PTPRM: variants seen among roughly 807,000 people sequenced by gnomAD.
PTPRM encodes protein tyrosine phosphatase receptor type M.
A neutral mutation model predicts 186.7 loss-of-function variants in PTPRM; 47 were observed. The ratio of observed to expected loss-of-function variants is 0.25; its 90% CI spans 0.20 to 0.32. The LOEUF (loss-of-function observed/expected upper bound fraction) is 0.32. PTPRM is among the 10% of genes least tolerant of loss of function. PTPRM has a pLI of 1.00. For missense variants in PTPRM, 1,494 were observed against 1,865.0 expected (o/e 0.80, Z 3.66); for synonymous variants, 668 against 674.9 (o/e 0.99, Z 0.16).
chr18:7,816,685 G>A (rs1288199937), intron 2 of PTPRM, among the ~76,000 whole-genome samples: 2 of 151,930 alleles, frequency 1.3e-5, no homozygotes, highest in African/African-American at 2.4e-5. Flanking sequence ...TCATGTGTTT[G>A]CTTCCTTAAC....
intron 2 of PTPRM, among the ~76,000 whole-genome samples, chr18:7,802,282 C>T (rs1176226480): frequency 6.6e-6 from 1 of 152,174 alleles, no homozygotes; most frequent in African/African-American, 2.4e-5. Flanking sequence ...AGTAAATGTG[C>T]TCTCTCTTTC....
At chr18:7,926,749 G>C (rs956872715) in intron 5 of PTPRM, 66 bp downstream of exon 5, 5 of 1,199,000 alleles carry the variant, frequency 4.2e-6, no homozygotes, top group Admixed American at 2.4e-5. Context: ...CCCTGGAGGA[G>C]GAACCCAGAG....
chr18:8,062,701 G>T (rs1256563915), intron 7 of PTPRM, among the ~76,000 whole-genome samples: 1 of 58,606 alleles, frequency 1.7e-5, no homozygotes, highest in Non-Finnish European at 3.4e-5. Flanking sequence ...CTGCAGGTCT[G>T]TTGGAGTACC....
chr18:7,834,491 T>TACACACACACATACACAC (rs1555613407), intron 2 of PTPRM, among the ~76,000 whole-genome samples: 1 of 84,606 alleles, frequency 1.2e-5, no homozygotes, highest in Non-Finnish European at 2.3e-5. Context: ...TATACAAGTA[T>TACACACACACATACACAC]ACACACACAC....
chr18:7,921,944 G>A (rs2146742553), intron 4 of PTPRM, among the ~76,000 whole-genome samples: 1 of 152,288 alleles, frequency 6.6e-6, no homozygotes, highest in Admixed American at 6.5e-5. Flanking sequence ...GTGGATGTAT[G>A]TCTATGTCTT....
intron 2 of PTPRM, among the ~76,000 whole-genome samples, chr18:7,828,273 A>G (rs1280335675): frequency 6.7e-6 from 1 of 148,472 alleles, no homozygotes; most frequent in Non-Finnish European, 1.5e-5. Flanking sequence ...TTATTATTAT[A>G]CTTTAAGTTT....
chr18:8,170,797 C>T (rs967301697), intron 14 of PTPRM, among the ~76,000 whole-genome samples: 9 of 152,114 alleles, frequency 5.9e-5, no homozygotes, highest in African/African-American at 1.9e-4. Flanking sequence ...CCATAGCTCC[C>T]GATAGCCATC....
intron 1 of PTPRM, among the ~76,000 whole-genome samples, chr18:7,615,459 T>C (rs2037779906): frequency 6.6e-6 from 1 of 152,136 alleles, no homozygotes; most frequent in African/African-American, 2.4e-5. Flanking sequence ...CGAAAGGCCC[T>C]GTGTCATGCT....
intron 7 of PTPRM, among the ~76,000 whole-genome samples, chr18:7,964,486 A>G (rs2053890334): frequency 6.6e-6 from 1 of 152,208 alleles, no homozygotes. Flanking sequence ...AAACAGTACC[A>G]GCATTGTCTT....
intron 1 of PTPRM, among the ~76,000 whole-genome samples, chr18:7,643,895 T>C (rs1481642375): frequency 6.6e-6 from 1 of 152,160 alleles, no homozygotes; most frequent in Non-Finnish European, 1.5e-5. Context: ...TTTCAAAACA[T>C]TCTATTATGA....
chr18:8,132,758 A>C (rs937285615), intron 13 of PTPRM, among the ~76,000 whole-genome samples: 1 of 152,180 alleles, frequency 6.6e-6, no homozygotes, highest in African/African-American at 2.4e-5. Flanking sequence ...TTAACGTTCT[A>C]GTCATTGTTG....
chr18:8,025,260 G>T (rs1352238134), intron 7 of PTPRM, among the ~76,000 whole-genome samples: 1 of 152,052 alleles, frequency 6.6e-6, no homozygotes, highest in African/African-American at 2.4e-5. Flanking sequence ...GTGGTACTTT[G>T]GTCTACATGT....
chr18:7,591,091 A>G (rs2037114195), intron 1 of PTPRM, among the ~76,000 whole-genome samples: 1 of 152,228 alleles, frequency 6.6e-6, no homozygotes, highest in Non-Finnish European at 1.5e-5. Flanking sequence ...CCAGATGACA[A>G]AACTTATCTC....
chr18:8,247,377 G>A (rs953877345), intron 15 of PTPRM, among the ~76,000 whole-genome samples: 5 of 152,160 alleles, frequency 3.3e-5, no homozygotes, highest in African/African-American at 1.2e-4. Context: ...TTTTCATAAA[G>A]CATTGTGGAG....
At chr18:7,808,270 G>T (rs878955720) in intron 2 of PTPRM, among the ~76,000 whole-genome samples, 3 of 152,072 alleles carry the variant, frequency 2.0e-5, no homozygotes, top group Non-Finnish European at 4.4e-5. Context: ...TGATGAAGTG[G>T]TGCAGACGGA....
At chr18:7,675,975 G>C (rs966200299) in intron 1 of PTPRM, among the ~76,000 whole-genome samples, 1 of 152,214 alleles carries the variant, frequency 6.6e-6, no homozygotes, top group East Asian at 1.9e-4. Flanking sequence ...GATCTCAGGT[G>C]ATCTGCCCGC....
chr18:7,947,346 A>G (rs1481857147), intron 5 of PTPRM, among the ~76,000 whole-genome samples: 2 of 152,116 alleles, frequency 1.3e-5, no homozygotes, highest in African/African-American at 2.4e-5. Flanking sequence ...ACCACTCTGG[A>G]TGATCACTAT....
At chr18:7,875,730 T>C (rs2146228614) in intron 2 of PTPRM, among the ~76,000 whole-genome samples, 2 of 152,314 alleles carry the variant, frequency 1.3e-5, no homozygotes, top group East Asian at 3.9e-4. Flanking sequence ...TTTCTCTCTA[T>C]CCCGGTCACT....
intron 5 of PTPRM, among the ~76,000 whole-genome samples, chr18:7,947,818 A>G (rs2052643423): frequency 6.6e-6 from 1 of 152,066 alleles, no homozygotes; most frequent in African/African-American, 2.4e-5. Flanking sequence ...TAGCCAGCTC[A>G]TCTTTCCTAA....
Sources: gnomAD v4.1 joint callset for allele counts (sites outside exome capture counted in the v4.1 genomes callset) on GRCh38, gnomAD v4.1.1 for gene constraint, MANE v1.5 for transcripts, NCBI Gene and HGNC (gene_info 2026-07-23, HGNC 2026-07-21) for gene names.